RBFOX1: variants seen among roughly 807,000 people sequenced by gnomAD.
RBFOX1 encodes RNA binding protein fox-1 homolog 1.
In RBFOX1, 8 loss-of-function variants were observed where a neutral mutation model predicts 57.7. The ratio of observed to expected loss-of-function variants is 0.14; its 90% CI spans 0.08 to 0.25. RBFOX1 has a LOEUF of 0.25. Ranked by LOEUF, RBFOX1 falls within the 10% of genes least tolerant of loss-of-function variation. The pLI, the probability that RBFOX1 is intolerant of heterozygous loss-of-function variation, is 1.00. For missense variants in RBFOX1, 611 were observed against 548.5 expected (o/e 1.11, Z -1.14); for synonymous variants, 326 against 222.4 (o/e 1.47, Z -4.15).
chr16:5,747,035 C>T (rs1008330763), intron 3 of RBFOX1, among the ~76,000 whole-genome samples: 5 of 152,124 alleles, frequency 3.3e-5, no homozygotes, highest in Non-Finnish European at 7.4e-5. Flanking sequence ...AAAGGGAATG[C>T]TTCTAGGATG....
intron 3 of RBFOX1, among the ~76,000 whole-genome samples, chr16:7,046,709 G>T (rs916893275): frequency 6.9e-6 from 1 of 144,854 alleles, no homozygotes; most frequent in Non-Finnish European, 1.5e-5. Flanking sequence ...GGGTTCAAAC[G>T]ATTCTCCTGC....
intron 3 of RBFOX1, among the ~76,000 whole-genome samples, chr16:5,608,921 A>G (rs537646686): frequency 3.4e-4 from 52 of 152,300 alleles, no homozygotes; most frequent in African/African-American, 1.3e-3. Flanking sequence ...TGTTTGCTCA[A>G]GGTTTTACCC....
chr16:7,201,819 C>T (rs185502888), intron 4 of RBFOX1, among the ~76,000 whole-genome samples: 114 of 152,092 alleles, frequency 7.5e-4, no homozygotes, highest in African/African-American at 2.5e-3. Context: ...GCACGGCAAG[C>T]GTGAAGTTAG....
chr16:6,456,358 G>C (rs2094772744), intron 2 of RBFOX1, among the ~76,000 whole-genome samples: 1 of 152,138 alleles, frequency 6.6e-6, no homozygotes, highest in Non-Finnish European at 1.5e-5. Flanking sequence ...TTCCAGGCTG[G>C]AGTGCATTGG....
Position 6,005,265 on chromosome 16 carries a change from A to G in RBFOX1, c.351+137930A>G, listed in dbSNP as rs143167576. 6.0e-3 allele frequency among the ~76,000 whole-genome samples: 920 copies of G among 152,336 alleles called. 31 individuals carry two copies. Among genetic ancestry groups the G allele is most frequent in the Admixed American group, 0.04 (618 of 15,298 alleles). Reference sequence around the variant, plus strand: ...AAATTTTCTAATACAATAGCCATTTAAGGAATGATCACACCTTCCAGGAAC... The same window carrying G: ...AAATTTTCTAATACAATAGCCATTTGAGGAATGATCACACCTTCCAGGAAC... On this transcript the variant is annotated intron_variant, in intron 4 of 19. Transcript: ENST00000641259.
rs530365184 is a variant in RBFOX1, at chr16:5,994,125, A to G, written c.351+126790A>G. Reference sequence around the variant, plus strand: ...CTCTGTTCCTGTTTTTCCAGCTGTAATGGGTGTATTGCTAACGCAGATGCC... The same window carrying G: ...CTCTGTTCCTGTTTTTCCAGCTGTAGTGGGTGTATTGCTAACGCAGATGCC... On this transcript the variant is annotated intron_variant, in intron 4 of 19. Transcript: ENST00000641259. 9.9e-4 allele frequency among the ~76,000 whole-genome samples: 151 copies of G among 152,142 alleles called. 1 individual carries two copies. Among genetic ancestry groups the G allele is most frequent in the African/African-American group, 3.6e-3 (150 of 41,506 alleles).
chr16:7,044,926 G>A (rs1319152589), intron 3 of RBFOX1, among the ~76,000 whole-genome samples: 2 of 152,240 alleles, frequency 1.3e-5, no homozygotes, highest in East Asian at 3.9e-4. Flanking sequence ...ATTAGTTGCA[G>A]CAATAACTTA....
intron 2 of RBFOX1, among the ~76,000 whole-genome samples, chr16:6,562,868 CTTTCTTTCTTTCTTTT>C (rs1236682354): frequency 2.0e-5 from 1 of 50,336 alleles, no homozygotes; most frequent in African/African-American, 1.7e-4. Flanking sequence ...TTCTTTCTTT[CTTTCTTTCTTTCTTTT>C]TTTTTTTTTT....
At chr16:5,581,105 A>G (rs1045387021) in intron 2 of RBFOX1, among the ~76,000 whole-genome samples, 2 of 152,214 alleles carry the variant, frequency 1.3e-5, no homozygotes, top group Admixed American at 6.5e-5. Flanking sequence ...CCACCATTGT[A>G]GATGGCACTT....
chr16:6,539,527 G>A (rs934576193), intron 2 of RBFOX1, among the ~76,000 whole-genome samples: 9 of 152,072 alleles, frequency 5.9e-5, no homozygotes, highest in Admixed American at 5.2e-4. Flanking sequence ...GTCAGGTGCA[G>A]TGGCTCACAC....
chr16:6,108,552 G>C (rs2096408804), intron 1 of RBFOX1, among the ~76,000 whole-genome samples: 1 of 152,170 alleles, frequency 6.6e-6, no homozygotes, highest in South Asian at 2.1e-4. Flanking sequence ...TTAGGAAGCA[G>C]ACACTCAGAA....
intron 1 of RBFOX1, among the ~76,000 whole-genome samples, chr16:6,072,279 G>C (rs943207331): frequency 6.6e-6 from 1 of 152,114 alleles, no homozygotes; most frequent in South Asian, 2.1e-4. Context: ...AATACATGTG[G>C]GCATAATGGG....
chr16:5,844,392 G>C (rs1432295590), intron 3 of RBFOX1, among the ~76,000 whole-genome samples: 1 of 152,192 alleles, frequency 6.6e-6, no homozygotes, highest in South Asian at 2.1e-4. Context: ...CATCCCACAA[G>C]GGTAAAGAAT....
intron 3 of RBFOX1, among the ~76,000 whole-genome samples, chr16:6,986,536 C>G (rs1460324115): frequency 6.6e-6 from 1 of 152,182 alleles, no homozygotes; most frequent in East Asian, 1.9e-4. Flanking sequence ...AACTGATTCA[C>G]CTGCCTTGGC....
At chr16:5,883,335 C>G (rs571518712) in intron 4 of RBFOX1, among the ~76,000 whole-genome samples, 58 of 152,202 alleles carry the variant, frequency 3.8e-4, no homozygotes, top group African/African-American at 1.4e-3. Context: ...AAAGAGAAAA[C>G]AAACCAATAA....
intron 4 of RBFOX1, among the ~76,000 whole-genome samples, chr16:7,164,301 C>T: frequency 6.6e-6 from 1 of 152,056 alleles, no homozygotes; most frequent in Non-Finnish European, 1.5e-5. Flanking sequence ...TATTTTGTTC[C>T]TTTTTATGGC....
chr16:5,777,588 G>A (rs1055397655), intron 3 of RBFOX1, among the ~76,000 whole-genome samples: 1 of 152,160 alleles, frequency 6.6e-6, no homozygotes, highest in South Asian at 2.1e-4. Context: ...AATGGTCTTC[G>A]AGCAGGTCAC....
At chr16:6,708,956 G>T (rs184206601) in intron 3 of RBFOX1, among the ~76,000 whole-genome samples, 111 of 151,540 alleles carry the variant, frequency 7.3e-4, no homozygotes, top group African/African-American at 2.6e-3. Flanking sequence ...AGTAGCGGTG[G>T]CTGGTTAATT....
chr16:7,198,861 A>C (rs892106462), intron 4 of RBFOX1, among the ~76,000 whole-genome samples: 4 of 152,214 alleles, frequency 2.6e-5, no homozygotes, highest in Non-Finnish European at 1.5e-5. Flanking sequence ...ATAGCACACT[A>C]TCAGAGGCAA....
Sources: gnomAD v4.1 joint callset for allele counts (sites outside exome capture counted in the v4.1 genomes callset) on GRCh38, gnomAD v4.1.1 for gene constraint, MANE v1.5 for transcripts, NCBI Gene and HGNC (gene_info 2026-07-23, HGNC 2026-07-21) for gene names.